Variants in SSBP2 observed in about 807,000 individuals in gnomAD.
SSBP2 encodes the protein single stranded DNA binding protein 2.
SSBP2 carries 17 observed loss-of-function variants against 61.8 expected under a neutral mutation model. The ratio of observed to expected loss-of-function variants is 0.28; its 90% CI spans 0.19 to 0.41. SSBP2 has a LOEUF of 0.41. SSBP2 is among the 10% of genes least tolerant of loss of function. The pLI is 1.00. For missense variants in SSBP2, 310 were observed against 458.7 expected (o/e 0.68, Z 2.96); for synonymous variants, 139 against 141.3 (o/e 0.98, Z 0.12).
intron 12 of SSBP2, among the ~76,000 whole-genome samples, chr5:81,444,003 A>C (rs1763208731): frequency 6.6e-6 from 1 of 152,372 alleles, no homozygotes; most frequent in Middle Eastern, 3.4e-3. Flanking sequence ...CTCATTAGAC[A>C]TTAATAAGTT....
At chr5:81,701,113 T>A (rs1753953138) in intron 1 of SSBP2, among the ~76,000 whole-genome samples, 1 of 152,236 alleles carries the variant, frequency 6.6e-6, no homozygotes, top group Non-Finnish European at 1.5e-5. Flanking sequence ...TAGCTTTTGA[T>A]TTAAAGCAAA....
chr5:81,421,770 T>C (rs140303961), intron 16 of SSBP2, among the ~76,000 whole-genome samples: 292 of 152,354 alleles, frequency 1.9e-3, no homozygotes, highest in African/African-American at 6.4e-3. Flanking sequence ...ACTTGTTCTG[T>C]GGTCTGTGCT....
intron 4 of SSBP2, among the ~76,000 whole-genome samples, chr5:81,549,445 C>T (rs1259360602): frequency 6.6e-6 from 1 of 152,150 alleles, no homozygotes; most frequent in Non-Finnish European, 1.5e-5. Context: ...ATCCAAATTG[C>T]GTTTCCAGGC....
intron 2 of SSBP2, 39 bp from the exon 3 acceptor site, chr5:81,636,657 CT>C (rs766113669): frequency 4.9e-6 from 7 of 1,429,284 alleles, no homozygotes; most frequent in Non-Finnish European, 5.8e-6. Flanking sequence ...CCTAATAATA[CT>C]TTTTTCCACA....
intron 12 of SSBP2, 71 bp downstream of exon 12, chr5:81,446,797 T>G: frequency 6.8e-7 from 1 of 1,474,624 alleles, no homozygotes; most frequent in African/African-American, 1.4e-5. Context: ...CTTTATTTCA[T>G]GAACAATTTC....
chr5:81,461,104 C>A lies in SSBP2; in HGVS notation c.639-1G>T. On this transcript the variant is annotated splice_acceptor_variant, in intron 9 of 16. Transcript: ENST00000320672. LOFTEE classifies it high-confidence loss of function. ...CCAAGGTCTACCACCACCTGGACCC[C>A]TACAAAACAATTTGATAAATGAAAT... 6.3e-7 allele frequency: 1 copy of A among 1,585,324 alleles called. No individual in the cohort carries two copies. The highest frequency in any genetic ancestry group is 1.3e-5 in the African/African-American group (1 of 74,120).
chr5:81,417,542 A>G lies in SSBP2; in HGVS notation c.*2962T>C, dbSNP rs1284532832. The G allele has an allele frequency of 6.6e-6, 1 of 152,228 alleles. No individual in the cohort carries two copies. The highest frequency in any genetic ancestry group is 1.5e-5 in the Non-Finnish European group (1 of 68,044). 9.4% of individuals were successfully genotyped at this position (152,228 alleles called of 1,614,324 possible). A position where few individuals can be genotyped will look rare whatever the true frequency, so the allele number is the denominator to read the frequency against. ...ATGACGTGTAAAAATAACACTAGGA[A>G]CAGGTAGTATACATCAAGACCAACA... On this transcript the variant is annotated 3_prime_UTR_variant, in exon 17 of 17. Transcript: ENST00000320672.
chr5:81,582,865 T>C (rs1243082445), intron 4 of SSBP2, among the ~76,000 whole-genome samples: 1 of 152,138 alleles, frequency 6.6e-6, no homozygotes, highest in Non-Finnish European at 1.5e-5. Context: ...AAGTGCTGGA[T>C]TACAGGTGTG....
chr5:81,615,820 G>C (rs1745956369), intron 3 of SSBP2, among the ~76,000 whole-genome samples: 1 of 152,018 alleles, frequency 6.6e-6, no homozygotes, highest in Non-Finnish European at 1.5e-5. Flanking sequence ...CTTATAACTG[G>C]CTGTTTACAT....
intron 4 of SSBP2, among the ~76,000 whole-genome samples, chr5:81,519,673 A>G (rs537729658): frequency 2.6e-5 from 4 of 152,226 alleles, no homozygotes; most frequent in East Asian, 3.9e-4. Flanking sequence ...CAGACCAAAA[A>G]AAAAGGATGC....
intron 5 of SSBP2, among the ~76,000 whole-genome samples, chr5:81,509,286 G>T (rs376803006): frequency 6.6e-6 from 1 of 152,074 alleles, no homozygotes; most frequent in African/African-American, 2.4e-5. Context: ...GCCTGATCTT[G>T]GGTATTAGAG....
chr5:81,457,897 C>T (rs902385620), intron 10 of SSBP2, among the ~76,000 whole-genome samples: 5 of 151,904 alleles, frequency 3.3e-5, no homozygotes, highest in South Asian at 4.2e-4. Context: ...TCTGACCTCA[C>T]GTGATCCACC....
intron 4 of SSBP2, among the ~76,000 whole-genome samples, chr5:81,546,748 C>T (rs1349341189): frequency 6.6e-6 from 1 of 151,824 alleles, no homozygotes; most frequent in African/African-American, 2.4e-5. Context: ...TTTGGACAGG[C>T]TACTGGAGAA....
At chr5:81,491,580 G>A (rs185445712) in intron 5 of SSBP2, among the ~76,000 whole-genome samples, 21 of 152,274 alleles carry the variant, frequency 1.4e-4, no homozygotes, top group African/African-American at 4.6e-4. Flanking sequence ...GGGAGGGTCA[G>A]TGTATGTGCT....
chr5:81,640,301 C>T (rs573087761), intron 2 of SSBP2, among the ~76,000 whole-genome samples: 3 of 152,136 alleles, frequency 2.0e-5, no homozygotes, highest in South Asian at 4.2e-4. Context: ...GATAGCACCA[C>T]GGCACTCCAG....
intron 4 of SSBP2, among the ~76,000 whole-genome samples, chr5:81,522,505 T>C (rs1222672943): frequency 6.6e-6 from 1 of 152,106 alleles, no homozygotes; most frequent in African/African-American, 2.4e-5. Flanking sequence ...CTAGAAAATA[T>C]GACCACATAT....
chr5:81,472,628 T>C (rs1202990750), intron 8 of SSBP2, among the ~76,000 whole-genome samples: 4 of 152,128 alleles, frequency 2.6e-5, no homozygotes, highest in Non-Finnish European at 4.4e-5. Context: ...GACGGAGTTT[T>C]TGCTATTGTT....
intron 1 of SSBP2, among the ~76,000 whole-genome samples, chr5:81,695,936 A>G (rs532805929): frequency 5.3e-4 from 80 of 152,340 alleles, no homozygotes; most frequent in African/African-American, 1.9e-3. Context: ...TGCATGAGTA[A>G]TATTTTAAAA....
At chr5:81,696,480 G>A (rs1753611051) in intron 1 of SSBP2, among the ~76,000 whole-genome samples, 1 of 152,184 alleles carries the variant, frequency 6.6e-6, no homozygotes, top group Non-Finnish European at 1.5e-5. Context: ...CAAGGGGTAT[G>A]GAAGTTGGGG....
Sources: gnomAD v4.1 joint callset for allele counts (sites outside exome capture counted in the v4.1 genomes callset) on GRCh38, gnomAD v4.1.1 for gene constraint, MANE v1.5 for transcripts, NCBI Gene and HGNC (gene_info 2026-07-23, HGNC 2026-07-21) for gene names.